CCNE1: variants seen among roughly 807,000 people sequenced by gnomAD.
CCNE1 encodes G1/S-specific cyclin-E1.
In CCNE1, 8 loss-of-function variants were observed where a neutral mutation model predicts 54.1. The observed-to-expected ratio is 0.15, with a 90% CI of 0.09 to 0.27. The LOEUF is 0.27. CCNE1 is among the 10% of genes least tolerant of loss of function. CCNE1 has a pLI of 1.00. For synonymous variants in CCNE1, 179 were observed against 185.2 expected (o/e 0.97, Z 0.27); for missense variants, 430 against 514.9 (o/e 0.84, Z 1.60).
rs754186303 is a variant in CCNE1, at chr19:29,820,686, C to G, written c.463-16C>G. ...TAAAACTTACTTGTGCTAAAACTTA[C>G]TAAATATGTTTTCAGGTGTGTGAAG... On this transcript the variant is annotated splice_polypyrimidine_tract_variant and intron_variant, in intron 6 of 11. Transcript: ENST00000262643. The G allele has an allele frequency of 5.1e-6, 8 of 1,576,512 alleles. No individual in the cohort carries two copies. The Admixed American group carries it at 1.4e-4, about 28-fold the overall frequency.
At chr19:29,813,319 C>G (rs2145716375) in intron 4 of CCNE1, 2 of 426,104 alleles carry the variant, frequency 4.7e-6, no homozygotes, top group East Asian at 3.9e-5. Flanking sequence ...TTCAGTCCTC[C>G]CCTTCTGCCC....
At chr19:29,814,115 G>C (rs1416007836) in intron 4 of CCNE1, among the ~76,000 whole-genome samples, 1 of 152,108 alleles carries the variant, frequency 6.6e-6, no homozygotes, top group Non-Finnish European at 1.5e-5. Flanking sequence ...TTGAAGAAAG[G>C]GTTGCTGATT....
At position 29,815,785 on chromosome 19, in the gene CCNE1, C is replaced by T. The variant is rs3218041; in HGVS notation, c.181-1352C>T. 6.5e-3 allele frequency among the ~76,000 whole-genome samples: 985 copies of T among 151,642 alleles called. 11 individuals are homozygous for T. The highest frequency in any genetic ancestry group is 0.023 in the African/African-American group (937 of 41,332). ...TTGGGATTACAGGCGCCCGCTACCA[C>T]ACCCGGCTAATTTTTGTATTTTTAG... On this transcript the variant is annotated intron_variant, in intron 4 of 11. Coordinates refer to ENST00000262643, the MANE Select transcript of CCNE1 (RefSeq NM_001238.4).
intron 11 of CCNE1, among the ~76,000 whole-genome samples, chr19:29,822,868 C>T (rs887304455): frequency 1.7e-4 from 26 of 151,878 alleles, no homozygotes; most frequent in Middle Eastern, 3.4e-3. Flanking sequence ...CATCTGAACC[C>T]GGGAGGCGGA....
intron 7 of CCNE1, 22 bp from the exon 8 acceptor site, chr19:29,821,700 G>A (rs749268913): frequency 7.7e-6 from 11 of 1,428,836 alleles, no homozygotes; most frequent in Admixed American, 6.7e-5. Context: ...TGGTGCTAGT[G>A]CCATCTTTTA....
chr19:29,816,088 A>G (rs1296171804), intron 4 of CCNE1, among the ~76,000 whole-genome samples: 1 of 149,728 alleles, frequency 6.7e-6, no homozygotes. Flanking sequence ...CCCAGGAGGC[A>G]GAGGTTGTAG....
chr19:29,812,453 C>T (rs925168912), intron 1 of CCNE1, 79 bp from the exon 2 acceptor site: 37 of 1,032,950 alleles, frequency 3.6e-5, no homozygotes, highest in Non-Finnish European at 4.3e-5. Context: ...GCTCGCCCGG[C>T]CGCCCGCGCG....
intron 11 of CCNE1, among the ~76,000 whole-genome samples, chr19:29,823,189 CTGCT>C (rs1376583377): frequency 6.6e-6 from 1 of 152,060 alleles, no homozygotes; most frequent in African/African-American, 2.4e-5. Flanking sequence ...GGCAGAAGGA[CTGCT>C]TAAGCTCAGA....
chr19:29,822,428 A>G lies in CCNE1; in HGVS notation c.953-18A>G. On this transcript the variant is annotated intron_variant, in intron 10 of 11. Transcript: ENST00000262643. ...CAGTTGTCAGCCTCAGATTAAGCCC[A>G]CGATGTCTTCACTGCAGGGTATCAG... 6.2e-7 allele frequency: 1 copy of G among 1,613,898 alleles called. No individual in the cohort carries two copies. Among genetic ancestry groups the G allele is most frequent in the Non-Finnish European group, 8.5e-7 (1 of 1,179,768 alleles).
At chr19:29,818,784 C>T (rs1454674425) in intron 6 of CCNE1, among the ~76,000 whole-genome samples, 4 of 140,384 alleles carry the variant, frequency 2.8e-5, no homozygotes, top group South Asian at 2.3e-4. Flanking sequence ...TTTTTTGAGA[C>T]GGAGTTTCGC....
At chr19:29,817,590 A>G (rs1403892806) in intron 6 of CCNE1, 49 bp downstream of exon 6, 4 of 1,610,464 alleles carry the variant, frequency 2.5e-6, no homozygotes, top group Non-Finnish European at 3.4e-6. Flanking sequence ...GAGCATTTCC[A>G]GCATTTTTGT....
At chr19:29,816,108 A>G (rs184368966) in intron 4 of CCNE1, among the ~76,000 whole-genome samples, 14 of 149,132 alleles carry the variant, frequency 9.4e-5, no homozygotes, top group African/African-American at 3.5e-4. Flanking sequence ...GTGAGCTGAG[A>G]TTACACCACT....
chr19:29,814,201 A>C (rs1973958890), intron 4 of CCNE1, among the ~76,000 whole-genome samples: 1 of 152,012 alleles, frequency 6.6e-6, no homozygotes, highest in Non-Finnish European at 1.5e-5. Flanking sequence ...TTCTTCCCTT[A>C]AAGTACATTC....
At chr19:29,823,404 C>T (rs1308408298) in intron 11 of CCNE1, among the ~76,000 whole-genome samples, 1 of 152,072 alleles carries the variant, frequency 6.6e-6, no homozygotes, top group African/African-American at 2.4e-5. Flanking sequence ...ATTAGCTGGA[C>T]ATGGTGGCGG....
At position 29,812,095 on chromosome 19, in the gene CCNE1, C is replaced by T. The variant is rs1973899066; in HGVS notation, c.-82C>T. On this transcript the variant is annotated 5_prime_UTR_variant, in exon 1 of 12. Coordinates refer to ENST00000262643, the MANE Select transcript of CCNE1 (RefSeq NM_001238.4). ...CTCCCGGCGCCGCCGCCGCCACTGC[C>T]GTCGCCGCCGCCGCCTGCCGGGACT... The T allele has an allele frequency of 1.4e-5, 2 of 145,882 alleles. No individual in the cohort carries two copies. Among genetic ancestry groups the T allele is most frequent in the Admixed American group, 1.5e-4 (2 of 12,930 alleles). 9.0% of individuals were successfully genotyped at this position (145,882 alleles called of 1,614,324 possible). A position where few individuals can be genotyped will look rare whatever the true frequency, so the allele number is the denominator to read the frequency against.
At chr19:29,823,165 C>A (rs3218071) in intron 11 of CCNE1, among the ~76,000 whole-genome samples, 1 of 152,042 alleles carries the variant, frequency 6.6e-6, no homozygotes, top group African/African-American at 2.4e-5. Context: ...GACACAGTGG[C>A]TTTTGGAGGC....
At chr19:29,821,613 C>T (rs1974147892) in intron 7 of CCNE1, 109 bp from the exon 8 acceptor site, 1 of 590,126 alleles carries the variant, frequency 1.7e-6, no homozygotes, top group South Asian at 2.1e-5. Flanking sequence ...CATCAGTGCG[C>T]CCTCTCTCTT....
rs896175805 is a variant in CCNE1 at position 29,824,043 on chromosome 19, A to G, written c.*266A>G. 25 of 360,392 alleles carry G rather than the reference A, an allele frequency of 6.9e-5. No homozygotes were observed. Among genetic ancestry groups the G allele is most frequent in the African/African-American group, 4.5e-4 (22 of 48,480 alleles). The allele number at this position is 360,392 out of a possible 1,614,324, so 22.3% of individuals were successfully genotyped here. On this transcript the variant is annotated 3_prime_UTR_variant, in exon 12 of 12. Coordinates refer to ENST00000262643, the MANE Select transcript of CCNE1 (RefSeq NM_001238.4). ...TCCCGATGCTGCTATGGAAGGTGCT[A>G]CTTGACCTAAGGGACTCCCACAACA...
intron 9 of CCNE1, 26 bp downstream of exon 9, chr19:29,822,156 G>A (rs2145728987): frequency 6.2e-7 from 1 of 1,611,580 alleles, no homozygotes; most frequent in Admixed American, 1.7e-5. Context: ...ACGTCCGTGG[G>A]GCCACCTTCC....
Sources: gnomAD v4.1 joint callset for allele counts (sites outside exome capture counted in the v4.1 genomes callset) on GRCh38, gnomAD v4.1.1 for gene constraint, MANE v1.5 for transcripts, NCBI Gene and HGNC (gene_info 2026-07-23, HGNC 2026-07-21) for gene names.